Variants in RAB6A observed in about 807,000 individuals in gnomAD.
The protein encoded by RAB6A is ras-related protein Rab-6A.
RAB6A carries 8 observed loss-of-function variants against 32.3 expected under a neutral mutation model. That is an observed-to-expected ratio of 0.25 (90% CI 0.15 to 0.45). The LOEUF is 0.45. Among genes scored for constraint, RAB6A ranks in the 20% least tolerant of loss-of-function variants. RAB6A has a pLI of 1.00. For missense variants in RAB6A, 104 were observed against 249.4 expected (o/e 0.42, Z 3.93); for synonymous variants, 73 against 82.1 (o/e 0.89, Z 0.60).
intron 6 of RAB6A, among the ~76,000 whole-genome samples, chr11:73,681,724 G>A (rs930412939): frequency 5.9e-5 from 9 of 152,142 alleles, no homozygotes; most frequent in African/African-American, 1.7e-4. Flanking sequence ...CAGAAGAATC[G>A]CTTGAACCCA....
rs1945918925 is a variant in RAB6A at position 73,709,900 on chromosome 11, C to CATAT, written c.402-2388_402-2387insATAT. Among the ~76,000 whole-genome samples, 16 of 146,816 alleles carry CATAT rather than the reference C, an allele frequency of 1.1e-4. No homozygotes were observed. In the South Asian group the frequency reaches 2.1e-3, roughly 20 times the overall value. On this transcript the variant is annotated intron_variant, in intron 5 of 7. Coordinates refer to ENST00000336083, the MANE Select transcript of RAB6A (RefSeq NM_198896.2). ...ACATACATATATACATATATATACA[C>CATAT]ACACATATATACATATATATACACA...
chr11:73,716,221 A>T (rs746340321), intron 5 of RAB6A, 30 bp downstream of exon 5: 7 of 1,486,642 alleles, frequency 4.7e-6, no homozygotes, highest in Non-Finnish European at 6.5e-6. Flanking sequence ...CAGAAATCAA[A>T]CATTACACAC....
At chr11:73,697,628 T>C (rs1448128497) in intron 6 of RAB6A, among the ~76,000 whole-genome samples, 2 of 152,180 alleles carry the variant, frequency 1.3e-5, no homozygotes, top group Admixed American at 6.6e-5. Flanking sequence ...ATTACAGGCA[T>C]GAGCCACTGT....
chr11:73,746,934 T>C (rs765112804), intron 1 of RAB6A, among the ~76,000 whole-genome samples: 2 of 152,090 alleles, frequency 1.3e-5, no homozygotes. Context: ...GTAGGACTGT[T>C]TTTTGTTGTT....
intron 1 of RAB6A, 140 bp downstream of exon 1, chr11:73,760,426 G>A (rs1946827252): frequency 8.7e-7 from 1 of 1,146,342 alleles, no homozygotes; most frequent in Non-Finnish European, 1.2e-6. Flanking sequence ...TGGCACCGGG[G>A]GGCACATCGG....
At position 73,712,411 on chromosome 11, in the gene RAB6A, C is replaced by T. The variant is rs1042021432; in HGVS notation, c.401+3840G>A. Among the ~76,000 whole-genome samples the T allele has an allele frequency of 3.3e-5, 5 of 151,422 alleles. No individual in the cohort carries two copies. The South Asian group carries it at 8.3e-4, about 25-fold the overall frequency. ...TGTTAGCCAGGCTGGAGTGCAGTGG[C>T]ACAATCACAGCTCACGGCAACCTCC... On this transcript the variant is annotated intron_variant, in intron 5 of 7. Coordinates refer to ENST00000336083, the MANE Select transcript of RAB6A (RefSeq NM_198896.2).
Position 73,760,668 on chromosome 11 carries a change from C to G in RAB6A, c.-33G>C. Reference sequence around the variant, plus strand: ...CTAGAGGAGCGGCCGCCGCCTCAGCCTAGAGACCTCCCGGACCGATGCTGC... The same window carrying G: ...CTAGAGGAGCGGCCGCCGCCTCAGCGTAGAGACCTCCCGGACCGATGCTGC... On this transcript the variant is annotated 5_prime_UTR_variant, in exon 1 of 8. Transcript: ENST00000336083. 1 of 1,594,802 alleles carries G rather than the reference C, an allele frequency of 6.3e-7. No homozygotes were observed. The highest frequency in any genetic ancestry group is 1.1e-5 in the South Asian group (1 of 88,362).
At chr11:73,704,225 A>T (rs765466186) in intron 6 of RAB6A, 7 of 433,676 alleles carry the variant, frequency 1.6e-5, no homozygotes, top group South Asian at 1.2e-4. Flanking sequence ...TCTGGAAAAA[A>T]ATTAAAAATT....
intron 1 of RAB6A, among the ~76,000 whole-genome samples, chr11:73,735,329 A>G (rs996459153): frequency 3.9e-5 from 6 of 152,226 alleles, no homozygotes; most frequent in Non-Finnish European, 8.8e-5. Context: ...TATAATAGAA[A>G]AATGATCCTA....
chr11:73,759,941 A>C, intron 1 of RAB6A: 5 of 930,454 alleles, frequency 5.4e-6, no homozygotes, highest in Non-Finnish European at 7.3e-6. Context: ...ACCCCCAACC[A>C]CCCCATGCTC....
At chr11:73,712,591 T>G (rs1163050957) in intron 5 of RAB6A, among the ~76,000 whole-genome samples, 1 of 152,074 alleles carries the variant, frequency 6.6e-6, no homozygotes, top group African/African-American at 2.4e-5. Context: ...CCTCAGGTAA[T>G]CCACCTGCCT....
At chr11:73,734,703 C>T (rs1946367205) in intron 1 of RAB6A, among the ~76,000 whole-genome samples, 1 of 152,152 alleles carries the variant, frequency 6.6e-6, no homozygotes. Flanking sequence ...CTAATGCCAG[C>T]ACTGATCTGA....
At chr11:73,710,459 C>T (rs182490429) in intron 5 of RAB6A, among the ~76,000 whole-genome samples, 2 of 151,458 alleles carry the variant, frequency 1.3e-5, no homozygotes, top group East Asian at 2.0e-4. Context: ...AAGATCTAGC[C>T]GGGTGTGGTG....
intron 5 of RAB6A, among the ~76,000 whole-genome samples, chr11:73,714,518 C>T (rs959703661): frequency 1.3e-5 from 2 of 150,202 alleles, no homozygotes; most frequent in African/African-American, 4.9e-5. Flanking sequence ...AAAAATGAGC[C>T]GGGCATGGTG....
intron 6 of RAB6A, among the ~76,000 whole-genome samples, chr11:73,702,960 G>C (rs1945771582): frequency 6.6e-6 from 1 of 151,738 alleles, no homozygotes; most frequent in African/African-American, 2.4e-5. Context: ...GGGTTCAAGT[G>C]ATTCTCTTGC....
chr11:73,748,920 T>C (rs1590890756), intron 1 of RAB6A, among the ~76,000 whole-genome samples: 1 of 151,776 alleles, frequency 6.6e-6, no homozygotes, highest in African/African-American at 2.4e-5. Flanking sequence ...AGGTAAGGAG[T>C]TCAAGACCAG....
intron 6 of RAB6A, among the ~76,000 whole-genome samples, chr11:73,697,020 C>T (rs1207103256): frequency 6.6e-6 from 1 of 152,210 alleles, no homozygotes; most frequent in African/African-American, 2.4e-5. Context: ...CTTAAGGCCT[C>T]TGTTCTCCAT....
intron 6 of RAB6A, 30 bp downstream of exon 6, chr11:73,707,390 T>C (rs747046977): frequency 5.4e-6 from 8 of 1,487,976 alleles, no homozygotes; most frequent in Non-Finnish European, 7.5e-6. Context: ...TTTCATATTT[T>C]TTCAATTTGG....
intron 7 of RAB6A, among the ~76,000 whole-genome samples, chr11:73,678,284 A>C (rs1945297324): frequency 6.6e-6 from 1 of 152,206 alleles, no homozygotes; most frequent in Non-Finnish European, 1.5e-5. Flanking sequence ...AAAATAGCCT[A>C]CAAGATAGTT....
Sources: allele counts gnomAD v4.1 joint callset (sites outside exome capture counted in the v4.1 genomes callset), GRCh38; gene constraint gnomAD v4.1.1; transcripts MANE v1.5; gene names NCBI Gene and HGNC (gene_info 2026-07-23, HGNC 2026-07-21).